Variants in RBFOX1 observed in about 807,000 individuals in gnomAD.
RBFOX1 encodes the protein RNA binding protein fox-1 homolog 1.
A neutral mutation model predicts 57.7 loss-of-function variants in RBFOX1; 8 were observed. The observed-to-expected ratio is 0.14, with a 90% CI of 0.08 to 0.25. RBFOX1 has a LOEUF of 0.25. Among genes scored for constraint, RBFOX1 ranks in the 10% least tolerant of loss-of-function variants. The pLI is 1.00. For synonymous variants in RBFOX1, 326 were observed against 222.4 expected (o/e 1.47, Z -4.15); for missense variants, 611 against 548.5 (o/e 1.11, Z -1.14).
chr16:5,404,598 T>A (rs376300245), intron 1 of RBFOX1, among the ~76,000 whole-genome samples: 10 of 152,182 alleles, frequency 6.6e-5, no homozygotes, highest in African/African-American at 2.4e-4. Context: ...GCTCCTTTCT[T>A]CACCTGATGG....
At chr16:7,594,566 G>A (rs1334710555) in intron 7 of RBFOX1, among the ~76,000 whole-genome samples, 1 of 152,184 alleles carries the variant, frequency 6.6e-6, no homozygotes, top group Non-Finnish European at 1.5e-5. Context: ...TGACAATATA[G>A]TTTAGTGGGG....
At chr16:7,408,143 A>C (rs904536537) in intron 4 of RBFOX1, among the ~76,000 whole-genome samples, 2 of 152,194 alleles carry the variant, frequency 1.3e-5, no homozygotes, top group African/African-American at 4.8e-5. Flanking sequence ...CAGAACATAC[A>C]CATTCTTTGA....
intron 1 of RBFOX1, among the ~76,000 whole-genome samples, chr16:5,417,551 A>T (rs1010739940): frequency 6.6e-6 from 1 of 152,110 alleles, no homozygotes; most frequent in Non-Finnish European, 1.5e-5. Context: ...TGGATTTCTT[A>T]CCCCTGGCTT....
rs1185311086 is a variant in RBFOX1 at position 6,097,955 on chromosome 16, C to T, written c.-127+77963C>T. Reference sequence around the variant, plus strand: ...GGAGGGCTTTTAAACCATAGATGATCAGGGCCCCTGCTTGGTCTAGGATGG... The same window carrying T: ...GGAGGGCTTTTAAACCATAGATGATTAGGGCCCCTGCTTGGTCTAGGATGG... On this transcript the variant is annotated intron_variant, in intron 1 of 15. Transcript: ENST00000550418. The surrounding 1 kb of genome is among the most constrained non-coding windows in gnomAD (Gnocchi z 5.0). Among the ~76,000 whole-genome samples, 3 of 152,128 alleles carry T rather than the reference C, an allele frequency of 2.0e-5. No homozygotes were observed. In the East Asian group the frequency reaches 5.8e-4, roughly 29 times the overall value.
intron 3 of RBFOX1, among the ~76,000 whole-genome samples, chr16:6,688,336 C>G (rs998405171): frequency 2.6e-5 from 4 of 152,118 alleles, no homozygotes; most frequent in South Asian, 2.1e-4. Flanking sequence ...CCATTAGAAA[C>G]CACCCCCATG....
At chr16:7,191,350 A>G (rs962424160) in intron 4 of RBFOX1, among the ~76,000 whole-genome samples, 1 of 152,170 alleles carries the variant, frequency 6.6e-6, no homozygotes, top group Non-Finnish European at 1.5e-5. Flanking sequence ...AAAAAAAAAA[A>G]AACAGCACAT....
chr16:7,287,743 G>T (rs1321817835), intron 4 of RBFOX1, among the ~76,000 whole-genome samples: 2 of 152,166 alleles, frequency 1.3e-5, no homozygotes, highest in Non-Finnish European at 2.9e-5. Flanking sequence ...AGATCTATAT[G>T]TTTAGATTTA....
intron 3 of RBFOX1, among the ~76,000 whole-genome samples, chr16:6,729,674 A>G (rs1041012852): frequency 2.6e-5 from 4 of 152,160 alleles, no homozygotes; most frequent in African/African-American, 7.2e-5. Context: ...AACCCTTAAT[A>G]TATGACCTCA....
intron 2 of RBFOX1, among the ~76,000 whole-genome samples, chr16:6,373,245 G>T (rs182839247): frequency 1.3e-5 from 2 of 151,670 alleles, no homozygotes; most frequent in African/African-American, 4.8e-5. Context: ...CACTGGGTAG[G>T]AGGATAGTGT....
chr16:7,268,455 C>T (rs1024385278), intron 4 of RBFOX1, among the ~76,000 whole-genome samples: 1 of 152,164 alleles, frequency 6.6e-6, no homozygotes, highest in African/African-American at 2.4e-5. Context: ...CGTTCCTCTG[C>T]CCAAATTGCT....
intron 3 of RBFOX1, among the ~76,000 whole-genome samples, chr16:6,771,189 T>G (rs576236465): frequency 4.1e-4 from 62 of 152,240 alleles, no homozygotes; most frequent in South Asian, 8.3e-4. Flanking sequence ...GGAAAGAGGC[T>G]TCAGAAGAAA....
At chr16:6,265,610 C>G (rs1418501363) in intron 1 of RBFOX1, among the ~76,000 whole-genome samples, 1 of 152,144 alleles carries the variant, frequency 6.6e-6, no homozygotes, top group Non-Finnish European at 1.5e-5. Context: ...ATTTAAAGAC[C>G]TGAAGCCTTC....
chr16:5,518,589 C>G (rs542303851), intron 2 of RBFOX1, among the ~76,000 whole-genome samples: 1 of 152,152 alleles, frequency 6.6e-6, no homozygotes, highest in Non-Finnish European at 1.5e-5. Context: ...AATCCATAAA[C>G]CTGCAAGGAT....
chr16:6,557,545 C>T (rs933593563), intron 2 of RBFOX1, among the ~76,000 whole-genome samples: 1 of 152,100 alleles, frequency 6.6e-6, no homozygotes. Flanking sequence ...GGCTGTCTGA[C>T]GTTCAGAAAT....
chr16:5,349,067 C>T (rs1171558533), intron 1 of RBFOX1, among the ~76,000 whole-genome samples: 1 of 152,194 alleles, frequency 6.6e-6, no homozygotes, highest in African/African-American at 2.4e-5. Flanking sequence ...TCTCCACATG[C>T]TGGTCAGCCG....
At chr16:5,345,963 G>T (rs1408126861) in intron 1 of RBFOX1, among the ~76,000 whole-genome samples, 2 of 152,202 alleles carry the variant, frequency 1.3e-5, no homozygotes, top group African/African-American at 2.4e-5. Flanking sequence ...ATCTACCAGG[G>T]AAACTTGCTT....
chr16:5,444,093 A>AAACACT (rs150049598), intron 1 of RBFOX1, among the ~76,000 whole-genome samples: 102,403 of 151,856 alleles, frequency 0.67, 35,623 homozygotes, highest in African/African-American at 0.86. Context: ...TTATTGGCAA[A>AAACACT]GGTGACACTG....
intron 2 of RBFOX1, among the ~76,000 whole-genome samples, chr16:6,589,489 C>A (rs146973093): frequency 2.6e-5 from 4 of 152,138 alleles, no homozygotes; most frequent in Non-Finnish European, 4.4e-5. Context: ...ACCAGATGAG[C>A]CAGTTGATCC....
chr16:6,266,245 C>T (rs1163395324), intron 1 of RBFOX1, among the ~76,000 whole-genome samples: 1 of 152,198 alleles, frequency 6.6e-6, no homozygotes, highest in Non-Finnish European at 1.5e-5. Flanking sequence ...ACAGCCAACA[C>T]ATAGCCTAGT....
Sources: gnomAD v4.1 joint callset for allele counts (sites outside exome capture counted in the v4.1 genomes callset) on GRCh38, gnomAD v4.1.1 for gene constraint, Gnocchi (gnomAD v3.1) non-coding constraint, MANE v1.5 for transcripts, NCBI Gene and HGNC (gene_info 2026-07-23, HGNC 2026-07-21) for gene names.